The following SAMD5 variants were observed in gnomAD, a reference collection of about 807,000 sequenced individuals.
SAMD5 encodes sterile alpha motif domain containing 5, also known as sterile alpha motif domain-containing protein 5.
In SAMD5, 13 loss-of-function variants were observed where a neutral mutation model predicts 11.3. The ratio of observed to expected loss-of-function variants is 1.15; its 90% CI spans 0.75 to 1.83. The LOEUF (loss-of-function observed/expected upper bound fraction) is 1.83. SAMD5 is among the 40% of genes most tolerant of loss of function. SAMD5 has a pLI of 0.00. For missense variants in SAMD5, 255 were observed against 239.1 expected (o/e 1.07, Z -0.44); for synonymous variants, 129 against 111.3 (o/e 1.16, Z -1.00).
At chr6:147,864,829 T>C in the SAMD5 span, among the ~76,000 whole-genome samples, 1 of 152,200 alleles carries the variant, frequency 6.6e-6, no homozygotes, top group African/African-American at 2.4e-5. Flanking sequence ...CTCCTAATCA[T>C]AAGGTCCTCT....
chr6:147,683,683 T>C (rs1368264611), intron 1 of SAMD5, among the ~76,000 whole-genome samples: 2 of 152,134 alleles, frequency 1.3e-5, no homozygotes, highest in East Asian at 3.9e-4. Flanking sequence ...TGATGACAAA[T>C]AGTACAGTTT....
intron 1 of SAMD5, among the ~76,000 whole-genome samples, chr6:147,559,155 C>T (rs1024675997): frequency 6.6e-6 from 1 of 152,206 alleles, no homozygotes; most frequent in East Asian, 1.9e-4. Flanking sequence ...CGGCACTGGC[C>T]TCAGAAGCAA....
Position 147,638,297 on chromosome 6 carries a change from T to C in SAMD5, c.163-99020T>C, listed in dbSNP as rs148875347. On this transcript the variant is annotated intron_variant, in intron 1 of 1. Coordinates refer to the SAMD5 transcript ENST00000566741. The stretch of plus-strand genomic sequence containing the variant: ...TATCAGTTAGGAGCATTAGCATTAG[T>C]CCATTTATCTAAACTACTGAAATTT... Among the ~76,000 whole-genome samples, 103 of 152,336 alleles carry C rather than the reference T, an allele frequency of 6.8e-4. 1 individual carries two copies. Among genetic ancestry groups the C allele is most frequent in the African/African-American group, 2.3e-3 (94 of 41,574 alleles).
chr6:147,560,978 G>C (rs971776963), intron 1 of SAMD5, among the ~76,000 whole-genome samples: 1 of 152,172 alleles, frequency 6.6e-6, no homozygotes, highest in South Asian at 2.1e-4. Flanking sequence ...GTCAAAGGGG[G>C]AGAATAGACT....
the SAMD5 span, among the ~76,000 whole-genome samples, chr6:147,898,092 C>T: frequency 2.0e-5 from 3 of 151,814 alleles, no homozygotes; most frequent in African/African-American, 4.8e-5. Flanking sequence ...TCTTGTCAGG[C>T]TCCAAATCTT....
At chr6:147,693,742 G>A (rs902350369) in intron 1 of SAMD5, among the ~76,000 whole-genome samples, 1 of 152,080 alleles carries the variant, frequency 6.6e-6, no homozygotes, top group South Asian at 2.1e-4. Flanking sequence ...AAGGTAGGCG[G>A]GGGATCACCT....
chr6:147,567,753 G>T lies in SAMD5; in HGVS notation c.*3297G>T. 1.0e-6 allele frequency: 1 copy of T among 985,276 alleles called. No homozygotes were observed. Among genetic ancestry groups the T allele is most frequent in the Non-Finnish European group, 1.2e-6 (1 of 829,894 alleles). The allele number at this position is 985,276 out of a possible 1,614,324, so 61.0% of individuals were successfully genotyped here. On this transcript the variant is annotated 3_prime_UTR_variant, in exon 2 of 2. Transcript: ENST00000367474. ...CATAAATTGACATTTCCTTATCATT[G>T]CCTGAAACCCACTGAATAAGTCCCC...
At chr6:147,657,081 A>T (rs1157808368) in intron 1 of SAMD5, among the ~76,000 whole-genome samples, 1 of 152,072 alleles carries the variant, frequency 6.6e-6, no homozygotes, top group African/African-American at 2.4e-5. Context: ...AATATGAGGA[A>T]TTTTCACTTC....
the SAMD5 span, among the ~76,000 whole-genome samples, chr6:147,851,245 A>C: frequency 6.6e-6 from 1 of 152,016 alleles, no homozygotes; most frequent in Non-Finnish European, 1.5e-5. Context: ...CGCCCAGCCA[A>C]TTGTTCCATT....
chr6:147,515,879 T>C (rs1462940666), intron 1 of SAMD5, among the ~76,000 whole-genome samples: 2 of 152,180 alleles, frequency 1.3e-5, no homozygotes, highest in Admixed American at 6.5e-5. Context: ...AGATAATGAA[T>C]GATGAAATTT....
chr6:147,815,521 G>A, the SAMD5 span, among the ~76,000 whole-genome samples: 12 of 147,204 alleles, frequency 8.2e-5, no homozygotes, highest in African/African-American at 2.7e-4. Context: ...GGTCAGGAAG[G>A]GTTCGGCTAT....
At chr6:147,897,943 TAAAA>T in the SAMD5 span, among the ~76,000 whole-genome samples, 75 of 89,596 alleles carry the variant, frequency 8.4e-4, no homozygotes, top group South Asian at 6.3e-3. Flanking sequence ...AGATTTTTCT[TAAAA>T]AAAAAAAAAA....
At chr6:147,700,782 A>T (rs1015069969) in intron 1 of SAMD5, among the ~76,000 whole-genome samples, 2 of 152,256 alleles carry the variant, frequency 1.3e-5, no homozygotes, top group Non-Finnish European at 2.9e-5. Flanking sequence ...ATTAGGAAGG[A>T]TAAGGGCAAA....
At chr6:147,683,330 A>G (rs1790965929) in intron 1 of SAMD5, among the ~76,000 whole-genome samples, 1 of 152,196 alleles carries the variant, frequency 6.6e-6, no homozygotes, top group Non-Finnish European at 1.5e-5. Flanking sequence ...TGATTTTTAA[A>G]CTTTTTGGTC....
intron 1 of SAMD5, among the ~76,000 whole-genome samples, chr6:147,538,089 AT>A (rs1788541827): frequency 6.6e-6 from 1 of 152,156 alleles, no homozygotes; most frequent in East Asian, 1.9e-4. Flanking sequence ...ACCCTTTACA[AT>A]TTTCCATCAA....
intron 1 of SAMD5, among the ~76,000 whole-genome samples, chr6:147,577,196 C>T (rs1789229175): frequency 6.6e-6 from 1 of 152,142 alleles, no homozygotes; most frequent in Admixed American, 6.5e-5. Context: ...AAGCTAACAT[C>T]GTCTATACTT....
At chr6:147,728,278 C>T (rs1473630961) in intron 1 of SAMD5, among the ~76,000 whole-genome samples, 1 of 152,088 alleles carries the variant, frequency 6.6e-6, no homozygotes, top group South Asian at 2.1e-4. Flanking sequence ...ATCAGCCAGA[C>T]ACGGTCTTGT....
At chr6:147,673,614 CT>C (rs1790826020) in intron 1 of SAMD5, among the ~76,000 whole-genome samples, 1 of 151,372 alleles carries the variant, frequency 6.6e-6, no homozygotes, top group Non-Finnish European at 1.5e-5. Context: ...TTTTTTTTTC[CT>C]GGCTTAATAA....
intron 1 of SAMD5, among the ~76,000 whole-genome samples, chr6:147,736,045 C>A (rs188367148): frequency 1.3e-5 from 2 of 152,200 alleles, no homozygotes; most frequent in African/African-American, 4.8e-5. Flanking sequence ...TAAGGTCCTA[C>A]CATAATACTT....
Sources: gnomAD v4.1 joint callset for allele counts (sites outside exome capture counted in the v4.1 genomes callset) on GRCh38, gnomAD v4.1.1 for gene constraint, MANE v1.5 for transcripts, NCBI Gene and HGNC (gene_info 2026-07-23, HGNC 2026-07-21) for gene names.